Variants in CDH18 observed in about 807,000 individuals in gnomAD.
CDH18 encodes cadherin-18.
A neutral mutation model predicts 67.9 loss-of-function variants in CDH18; 31 were observed. The observed-to-expected ratio is 0.46, with a 90% CI of 0.34 to 0.62. The LOEUF (loss-of-function observed/expected upper bound fraction) is 0.62. Ranked by LOEUF, CDH18 falls within the 20% of genes least tolerant of loss-of-function variation. CDH18 has a pLI of 0.01. For synonymous variants in CDH18, 362 were observed against 347.2 expected (o/e 1.04, Z -0.48); for missense variants, 890 against 975.5 (o/e 0.91, Z 1.17).
intron 4 of CDH18, among the ~76,000 whole-genome samples, chr5:19,733,591 T>G (rs1290527883): frequency 1.3e-5 from 2 of 151,992 alleles, no homozygotes; most frequent in Non-Finnish European, 2.9e-5. Context: ...CAAATGAGGG[T>G]GCCCAGAAAG....
At chr5:20,340,938 C>T (rs1740205498) in intron 1 of CDH18, among the ~76,000 whole-genome samples, 1 of 152,108 alleles carries the variant, frequency 6.6e-6, no homozygotes, top group South Asian at 2.1e-4. Context: ...TCTCTTAGCT[C>T]CTATGGGACT....
intron 2 of CDH18, among the ~76,000 whole-genome samples, chr5:20,023,966 C>T (rs1466586674): frequency 6.6e-6 from 1 of 152,158 alleles, no homozygotes; most frequent in Middle Eastern, 3.2e-3. Flanking sequence ...CCATCTGGAG[C>T]TCTTGCTGCA....
At chr5:20,244,093 C>T (rs919571776) in intron 2 of CDH18, among the ~76,000 whole-genome samples, 2 of 151,868 alleles carry the variant, frequency 1.3e-5, no homozygotes, top group African/African-American at 4.8e-5. Context: ...GATATATATG[C>T]CAAATATTAT....
chr5:19,815,897 G>C (rs12656215), intron 3 of CDH18, among the ~76,000 whole-genome samples: 64,944 of 151,546 alleles, frequency 0.43, 14,461 homozygotes, highest in Middle Eastern at 0.58. Context: ...ATTCACACAT[G>C]ATAGGACACA....
chr5:20,392,348 A>C (rs1381506163), intron 1 of CDH18, among the ~76,000 whole-genome samples: 1 of 151,874 alleles, frequency 6.6e-6, no homozygotes, highest in East Asian at 1.9e-4. Context: ...TATAGAAAAA[A>C]ACTATTCATT....
chr5:20,148,158 C>T (rs1339071803), intron 2 of CDH18, among the ~76,000 whole-genome samples: 1 of 150,940 alleles, frequency 6.6e-6, no homozygotes, highest in Non-Finnish European at 1.5e-5. Context: ...GCGGTGCGAT[C>T]TTGGCTCACT....
intron 2 of CDH18, among the ~76,000 whole-genome samples, chr5:20,137,223 C>T (rs188513530): frequency 6.6e-6 from 1 of 152,112 alleles, no homozygotes; most frequent in Admixed American, 6.6e-5. Flanking sequence ...GTACACCAGT[C>T]CGATGTAGAC....
chr5:20,232,141 T>G (rs535153091), intron 2 of CDH18, among the ~76,000 whole-genome samples: 3 of 152,050 alleles, frequency 2.0e-5, no homozygotes, highest in Non-Finnish European at 4.4e-5. Context: ...CTCACATTTT[T>G]GTTTTAGCTT....
chr5:19,847,899 C>T (rs1366954953), intron 2 of CDH18, among the ~76,000 whole-genome samples: 1 of 152,176 alleles, frequency 6.6e-6, no homozygotes, highest in Admixed American at 6.6e-5. Flanking sequence ...TACCGCACAT[C>T]CGCTGAAGAA....
intron 3 of CDH18, among the ~76,000 whole-genome samples, chr5:19,829,269 A>C (rs1178989692): frequency 6.6e-6 from 1 of 152,122 alleles, no homozygotes; most frequent in Non-Finnish European, 1.5e-5. Context: ...AGGAAGTCAA[A>C]CTTTTTCTGT....
At chr5:19,866,613 T>C (rs946825327) in intron 2 of CDH18, among the ~76,000 whole-genome samples, 2 of 152,152 alleles carry the variant, frequency 1.3e-5, no homozygotes, top group Non-Finnish European at 2.9e-5. Flanking sequence ...GAAATCCCTA[T>C]TCTGGGGCAA....
intron 9 of CDH18, among the ~76,000 whole-genome samples, chr5:19,527,736 A>G (rs1747963122): frequency 6.6e-6 from 1 of 151,844 alleles, no homozygotes; most frequent in African/African-American, 2.4e-5. Context: ...CCATATATTT[A>G]TTCAACTTTT....
chr5:19,865,282 TA>T (rs1253844054), intron 2 of CDH18, among the ~76,000 whole-genome samples: 3 of 152,156 alleles, frequency 2.0e-5, no homozygotes, highest in African/African-American at 7.2e-5. Flanking sequence ...AAATTATAAG[TA>T]CCTCAATTTT....
intron 2 of CDH18, among the ~76,000 whole-genome samples, chr5:19,887,328 C>T (rs987465766): frequency 2.6e-5 from 4 of 151,880 alleles, no homozygotes; most frequent in Non-Finnish European, 4.4e-5. Flanking sequence ...TCTGAGATAA[C>T]CGCATTGCCT....
chr5:20,488,241 T>A (rs972703820), intron 1 of CDH18, among the ~76,000 whole-genome samples: 1 of 152,206 alleles, frequency 6.6e-6, no homozygotes, highest in Non-Finnish European at 1.5e-5. Context: ...CTTGTAATTT[T>A]GCAGCCTGTA....
intron 11 of CDH18, among the ~76,000 whole-genome samples, chr5:19,495,931 G>T (rs2126705812): frequency 6.6e-6 from 1 of 152,120 alleles, no homozygotes; most frequent in Non-Finnish European, 1.5e-5. Context: ...ACAGAGAAAT[G>T]AGGGGAGTTT....
At chr5:19,737,552 G>A (rs1179304634) in intron 4 of CDH18, among the ~76,000 whole-genome samples, 1 of 151,982 alleles carries the variant, frequency 6.6e-6, no homozygotes, top group Non-Finnish European at 1.5e-5. Flanking sequence ...CTCTGTGCCT[G>A]ATCACTGAAC....
intron 8 of CDH18, among the ~76,000 whole-genome samples, chr5:19,552,037 T>G (rs557039204): frequency 6.6e-6 from 1 of 152,114 alleles, no homozygotes; most frequent in African/African-American, 2.4e-5. Context: ...CAACTGATAG[T>G]AGTCTTTCAC....
chr5:19,722,249 T>A (rs991308073), intron 4 of CDH18, among the ~76,000 whole-genome samples: 1 of 151,840 alleles, frequency 6.6e-6, no homozygotes, highest in African/African-American at 2.4e-5. Context: ...AAACAGGGTT[T>A]CGCCATGTTG....
Sources: allele counts gnomAD v4.1 joint callset (sites outside exome capture counted in the v4.1 genomes callset), GRCh38; gene constraint gnomAD v4.1.1; transcripts MANE v1.5; gene names NCBI Gene and HGNC (gene_info 2026-07-23, HGNC 2026-07-21).